The following STAG1 variants were observed in gnomAD, a reference collection of about 807,000 sequenced individuals.
STAG1 encodes the protein cohesin subunit SA-1.
A neutral mutation model predicts 170.9 loss-of-function variants in STAG1; 26 were observed. The observed-to-expected ratio is 0.15, with a 90% CI of 0.11 to 0.21. STAG1 has a LOEUF of 0.21. STAG1 is among the 10% of genes least tolerant of loss of function. The pLI is 1.00. For missense variants in STAG1, 964 were observed against 1,509.5 expected (o/e 0.64, Z 5.99); for synonymous variants, 514 against 497.7 (o/e 1.03, Z -0.44).
chr3:136,339,935 G>A (rs1935895727), intron 32 of STAG1, among the ~76,000 whole-genome samples: 1 of 152,118 alleles, frequency 6.6e-6, no homozygotes, highest in Non-Finnish European at 1.5e-5. Context: ...AAGCACAAGA[G>A]GCCAGATACA....
At chr3:136,524,753 A>G (rs923449765) in intron 6 of STAG1, among the ~76,000 whole-genome samples, 2 of 152,158 alleles carry the variant, frequency 1.3e-5, no homozygotes, top group Admixed American at 6.5e-5. Flanking sequence ...AGCTCTTATT[A>G]TTTTGAGATA....
At chr3:136,680,014 A>G (rs1443214313) in intron 1 of STAG1, among the ~76,000 whole-genome samples, 1 of 152,232 alleles carries the variant, frequency 6.6e-6, no homozygotes, top group African/African-American at 2.4e-5. Context: ...GGAATGGCTA[A>G]ATAAATTTTA....
At chr3:136,339,653 C>T (rs1408089235) in intron 32 of STAG1, among the ~76,000 whole-genome samples, 2 of 152,158 alleles carry the variant, frequency 1.3e-5, no homozygotes, top group African/African-American at 4.8e-5. Context: ...AATTGTCAAA[C>T]ATTTGGCCAG....
At chr3:136,389,130 A>C (rs1340623854) in intron 22 of STAG1, among the ~76,000 whole-genome samples, 1 of 152,104 alleles carries the variant, frequency 6.6e-6, no homozygotes, top group Non-Finnish European at 1.5e-5. Context: ...ACAATGTAAT[A>C]CTTGTTACTT....
intron 1 of STAG1, among the ~76,000 whole-genome samples, chr3:136,655,274 C>T (rs915616444): frequency 6.6e-6 from 1 of 152,156 alleles, no homozygotes; most frequent in African/African-American, 2.4e-5. Flanking sequence ...ATAACTTCTA[C>T]AACTCAACAA....
intron 1 of STAG1, among the ~76,000 whole-genome samples, chr3:136,705,378 AACACACACACACAC>A (rs3066789): frequency 0.1 from 14,349 of 143,266 alleles, 887 homozygotes; most frequent in Middle Eastern, 0.14. Context: ...ATGATCATCA[AACACACACACACAC>A]ACACACACAC....
At chr3:136,551,198 TGAGAGAGAGTGAGAGAGAGAGAGAGA>T (rs1936368345) in intron 5 of STAG1, among the ~76,000 whole-genome samples, 2 of 43,156 alleles carry the variant, frequency 4.6e-5, no homozygotes, top group Admixed American at 3.0e-4. Context: ...AGAGAGAGGT[TGAGAGAGAGTGAGAGAGAGAGAGAGA>T]GAGAGAGAGA....
intron 1 of STAG1, among the ~76,000 whole-genome samples, chr3:136,646,259 GATTAC>G (rs1327736543): frequency 2.1e-4 from 32 of 152,092 alleles, no homozygotes; most frequent in Admixed American, 1.2e-3. Context: ...AAAATGTTGG[GATTAC>G]AGGCATGAGC....
chr3:136,514,320 A>G (rs1934235253), intron 7 of STAG1, among the ~76,000 whole-genome samples: 1 of 152,248 alleles, frequency 6.6e-6, no homozygotes, highest in African/African-American at 2.4e-5. Context: ...AATGCTCATC[A>G]TCACTGGTCA....
chr3:136,386,370 C>A (rs1240604598), intron 22 of STAG1, among the ~76,000 whole-genome samples: 2 of 151,922 alleles, frequency 1.3e-5, no homozygotes, highest in Non-Finnish European at 2.9e-5. Flanking sequence ...AAATAAAAGT[C>A]TTGTCAGCAA....
At chr3:136,668,398 ATT>A (rs1051177426) in intron 1 of STAG1, among the ~76,000 whole-genome samples, 19 of 146,214 alleles carry the variant, frequency 1.3e-4, no homozygotes, top group South Asian at 4.2e-4. Flanking sequence ...TAAAATATAT[ATT>A]ATGTATAATA....
rs530234116 is a variant in STAG1 at position 136,552,991 on chromosome 3, A to G, written c.395-10796T>C. ...CACCAAGAAGAAAGACAACATGCAA[A>G]AAACAAGCAAAAACAAGACCACAGA... On this transcript the variant is annotated intron_variant, in intron 5 of 33. Transcript: ENST00000383202. 3.6e-4 allele frequency among the ~76,000 whole-genome samples: 55 copies of G among 152,218 alleles called. 1 individual carries two copies. The highest frequency in any genetic ancestry group is 1.9e-3 in the Admixed American group (29 of 15,286).
At chr3:136,561,294 A>T (rs1025882806) in intron 5 of STAG1, among the ~76,000 whole-genome samples, 1 of 152,124 alleles carries the variant, frequency 6.6e-6, no homozygotes, top group African/African-American at 2.4e-5. Context: ...GTTAATTGTG[A>T]GTCAGTTAAT....
chr3:136,574,987 C>T (rs1937402530), intron 4 of STAG1, among the ~76,000 whole-genome samples: 1 of 152,086 alleles, frequency 6.6e-6, no homozygotes, highest in Admixed American at 6.5e-5. Flanking sequence ...ATTTAAAAAT[C>T]TGTTTAAATC....
chr3:136,721,816 C>T (rs1314610533), intron 1 of STAG1, among the ~76,000 whole-genome samples: 3 of 151,704 alleles, frequency 2.0e-5, no homozygotes, highest in African/African-American at 4.8e-5. Flanking sequence ...CCTAGCTACT[C>T]GGGAGGCTGA....
intron 28 of STAG1, among the ~76,000 whole-genome samples, chr3:136,354,395 G>C (rs1303740747): frequency 6.6e-6 from 1 of 152,024 alleles, no homozygotes; most frequent in Non-Finnish European, 1.5e-5. Flanking sequence ...GGGGCCCCTG[G>C]GGTTCAAGCA....
chr3:136,465,642 A>C (rs1290269867), intron 12 of STAG1, among the ~76,000 whole-genome samples: 2 of 151,434 alleles, frequency 1.3e-5, no homozygotes, highest in Admixed American at 6.6e-5. Flanking sequence ...TAATATACAT[A>C]CTAAAACCAA....
chr3:136,354,173 G>T (rs779526524), intron 28 of STAG1, among the ~76,000 whole-genome samples: 1 of 152,012 alleles, frequency 6.6e-6, no homozygotes, highest in Non-Finnish European at 1.5e-5. Context: ...TTATTATTGG[G>T]TTTCTAATAT....
intron 23 of STAG1, 51 bp from the exon 24 acceptor site, chr3:136,369,333 A>C (rs1480719555): frequency 1.4e-6 from 2 of 1,403,108 alleles, no homozygotes; most frequent in Non-Finnish European, 1.9e-6. Context: ...ATATAACTAC[A>C]AGTCAACATT....
Sources: gnomAD v4.1 joint callset for allele counts (sites outside exome capture counted in the v4.1 genomes callset) on GRCh38, gnomAD v4.1.1 for gene constraint, MANE v1.5 for transcripts, NCBI Gene and HGNC (gene_info 2026-07-23, HGNC 2026-07-21) for gene names.